Variants in TPO observed in about 807,000 individuals in gnomAD.
The protein encoded by TPO is thyroid peroxidase.
In TPO, 78 loss-of-function variants were observed where a neutral mutation model predicts 96.9. The observed-to-expected ratio is 0.81, with a 90% confidence interval of 0.67 to 0.97. The LOEUF is 0.97. Ranked by LOEUF, TPO falls within the 50% of genes least tolerant of loss-of-function variation. TPO has a pLI of 0.00. For missense variants in TPO, 1,252 were observed against 1,274.8 expected (o/e 0.98, Z 0.27); for synonymous variants, 547 against 538.0 (o/e 1.02, Z -0.23).
chr2:1,540,477 G>T, intron 15 of TPO, 117 bp from the exon 16 acceptor site: 1 of 1,595,166 alleles, frequency 6.3e-7, no homozygotes, highest in Non-Finnish European at 8.5e-7. Context: ...AAGTGGGTTG[G>T]AGTGTTCCTG....
At chr2:1,446,507 G>T (rs1666840701) in intron 5 of TPO, among the ~76,000 whole-genome samples, 1 of 152,208 alleles carries the variant, frequency 6.6e-6, no homozygotes, top group Admixed American at 6.5e-5. Context: ...TGAGGGGAGG[G>T]TGGCATTTCC....
intron 5 of TPO, among the ~76,000 whole-genome samples, chr2:1,442,597 G>A (rs532144635): frequency 6.6e-6 from 1 of 152,194 alleles, no homozygotes; most frequent in African/African-American, 2.4e-5. Context: ...TTCTCTGTGT[G>A]TTCTTGAGAA....
chr2:1,459,440 G>A (rs958922205), intron 7 of TPO, among the ~76,000 whole-genome samples: 7 of 152,040 alleles, frequency 4.6e-5, no homozygotes, highest in African/African-American at 1.4e-4. Flanking sequence ...GTGAGCCACC[G>A]TGCTCAGCCA....
At position 1,540,589 on chromosome 2, in the gene TPO, C is replaced by T. The variant is rs771488615; in HGVS notation, c.2619-5C>T. 1.2e-6 allele frequency: 2 copies of T among 1,613,108 alleles called. No individual in the cohort carries two copies. The highest frequency in any genetic ancestry group is 1.7e-6 in the Non-Finnish European group (2 of 1,180,034). On this transcript the variant is annotated splice_region_variant and splice_polypyrimidine_tract_variant and intron_variant, in intron 15 of 16. Coordinates refer to ENST00000329066, the MANE Select transcript of TPO (RefSeq NM_001206744.2). ...TCCCGATAACTGGACACGTGTCTCC[C>T]ACAGGACACGCACTGGCACTAAATC...
chr2:1,479,514 C>T (rs1428397446), intron 8 of TPO, among the ~76,000 whole-genome samples: 1 of 152,204 alleles, frequency 6.6e-6, no homozygotes, highest in African/African-American at 2.4e-5. Flanking sequence ...GTGAGAAGAG[C>T]AGCTGCCTCT....
chr2:1,520,418 G>T (rs537940311), intron 15 of TPO, among the ~76,000 whole-genome samples: 3 of 152,206 alleles, frequency 2.0e-5, no homozygotes, highest in African/African-American at 7.2e-5. Context: ...AGACACGGGA[G>T]GGGAGAGAAC....
At chr2:1,528,402 C>T (rs1195955404) in intron 15 of TPO, among the ~76,000 whole-genome samples, 1 of 135,708 alleles carries the variant, frequency 7.4e-6, no homozygotes, top group African/African-American at 2.9e-5. Context: ...GTGCAACCTC[C>T]TCAAATCACC....
chr2:1,504,217 G>GGCACCGTGGGCT, intron 14 of TPO, 138 bp downstream of exon 14: 1 of 1,495,160 alleles, frequency 6.7e-7, no homozygotes, highest in Non-Finnish European at 9.1e-7. Flanking sequence ...CAAGCCCACG[G>GGCACCGTGGGCT]TGCCCGAGGG....
intron 8 of TPO, chr2:1,478,324 G>T: frequency 1.0e-6 from 1 of 985,422 alleles, no homozygotes; most frequent in Non-Finnish European, 1.2e-6. Flanking sequence ...TTTGATATGC[G>T]AGTCACCGTG....
chr2:1,443,685 G>A (rs968290095), intron 5 of TPO, among the ~76,000 whole-genome samples: 1 of 129,824 alleles, frequency 7.7e-6, no homozygotes, highest in Non-Finnish European at 1.6e-5. Context: ...GAGGCACCTT[G>A]TTGGAAGGGA....
intron 7 of TPO, among the ~76,000 whole-genome samples, chr2:1,458,167 G>A (rs1227649346): frequency 1.3e-5 from 2 of 151,610 alleles, no homozygotes; most frequent in African/African-American, 4.9e-5. Flanking sequence ...GGACACGTGT[G>A]TATATAGGAT....
chr2:1,395,546 TA>T (rs1302223594), intron 1 of TPO, among the ~76,000 whole-genome samples: 3 of 152,164 alleles, frequency 2.0e-5, no homozygotes, highest in African/African-American at 7.2e-5. Context: ...TATAATAAAA[TA>T]AAAAACATAA....
intron 1 of TPO, among the ~76,000 whole-genome samples, chr2:1,404,189 G>A (rs964592037): frequency 6.6e-6 from 1 of 152,178 alleles, no homozygotes; most frequent in South Asian, 2.1e-4. Context: ...GAATGCACAT[G>A]TACAGACCTT....
chr2:1,466,364 G>T (rs1668898315), intron 7 of TPO, among the ~76,000 whole-genome samples: 1 of 152,086 alleles, frequency 6.6e-6, no homozygotes, highest in Non-Finnish European at 1.5e-5. Flanking sequence ...TTTTGGTTAT[G>T]TCCTCTTCTG....
chr2:1,487,743 A>AG, intron 9 of TPO, 78 bp from the exon 10 acceptor site: 1 of 1,589,116 alleles, frequency 6.3e-7, no homozygotes, highest in Non-Finnish European at 8.6e-7. Flanking sequence ...CGTCTCAAAA[A>AG]AAAAAAAAAT....
intron 10 of TPO, among the ~76,000 whole-genome samples, chr2:1,492,748 C>T (rs1354679182): frequency 6.6e-6 from 1 of 152,208 alleles, no homozygotes; most frequent in African/African-American, 2.4e-5. Context: ...TCCAGGACTT[C>T]TGCTGGGAGC....
intron 15 of TPO, among the ~76,000 whole-genome samples, chr2:1,523,048 AACTGTGTGCAACCTCACCAAATCCCGAC>A (rs1675532631): frequency 1.4e-4 from 4 of 28,328 alleles, no homozygotes; most frequent in Admixed American, 1.4e-3. Context: ...AAATCTCCCC[AACTGTGTGCAACCTCACCAAATCCCGAC>A]ACTGTGTGCA....
intron 3 of TPO, 35 bp downstream of exon 3, chr2:1,423,164 C>T (rs778825458): frequency 5.6e-6 from 9 of 1,599,568 alleles, no homozygotes; most frequent in Non-Finnish European, 7.7e-6. Flanking sequence ...CCCCAAATGC[C>T]ACCGACAGGC....
At chr2:1,419,813 C>T (rs28909996) in intron 2 of TPO, among the ~76,000 whole-genome samples, 15 of 152,346 alleles carry the variant, frequency 9.8e-5, no homozygotes, top group South Asian at 2.1e-4. Flanking sequence ...GGGGCTCCCT[C>T]GTGGAAGCAG....
Sources: gnomAD v4.1 joint callset for allele counts (sites outside exome capture counted in the v4.1 genomes callset) on GRCh38, gnomAD v4.1.1 for gene constraint, MANE v1.5 for transcripts, NCBI Gene and HGNC (gene_info 2026-07-23, HGNC 2026-07-21) for gene names.